ARID4B: variants seen among roughly 807,000 people sequenced by gnomAD.
ARID4B encodes the protein AT-rich interactive domain-containing protein 4B.
Under a neutral mutation model 147.5 loss-of-function variants are expected in ARID4B, and 26 were observed. That is an observed-to-expected ratio of 0.18 (90% CI 0.13 to 0.24). ARID4B has a LOEUF of 0.24. Ranked by LOEUF, ARID4B falls within the 10% of genes least tolerant of loss-of-function variation. ARID4B has a pLI of 1.00. For missense variants in ARID4B, 1,179 were observed against 1,511.5 expected, an observed-to-expected ratio of 0.78 and a Z score of 3.65; for synonymous variants, 512 against 507.9, an observed-to-expected ratio of 1.01 and a Z score of -0.11.
intron 6 of ARID4B, 49 bp downstream of exon 6, chr1:235,252,681 T>C: frequency 2.6e-6 from 4 of 1,545,970 alleles, no homozygotes; most frequent in Non-Finnish European, 3.5e-6. Context: ...AATTTATTCC[T>C]CCCAATAAAA....
At chr1:235,178,049 TTAC>T (rs992822241) in intron 20 of ARID4B, 136 bp from the exon 21 acceptor site, 7 of 468,716 alleles carry the variant, frequency 1.5e-5, no homozygotes, top group African/African-American at 6.0e-5. Context: ...GTCACAGAAC[TTAC>T]TACAATTTTT....
At chr1:235,194,259 C>A (rs1237079172) in intron 18 of ARID4B, 48 bp from the exon 19 acceptor site, 3 of 1,367,396 alleles carry the variant, frequency 2.2e-6, no homozygotes, top group African/African-American at 2.9e-5. Flanking sequence ...AGGCATTTAT[C>A]AGAAACAATG....
intron 14 of ARID4B, among the ~76,000 whole-genome samples, chr1:235,220,959 G>A (rs1558216346): frequency 6.6e-6 from 1 of 151,778 alleles, no homozygotes; most frequent in Admixed American, 6.6e-5. Context: ...GTGCAGTGGC[G>A]CAATCTCAGC....
At chr1:235,240,567 C>T in intron 7 of ARID4B, 116 bp from the exon 8 acceptor site, 5 of 924,602 alleles carry the variant, frequency 5.4e-6, no homozygotes, top group East Asian at 2.6e-5. Context: ...TGTAAAATGG[C>T]TAATTTAAAT....
intron 2 of ARID4B, among the ~76,000 whole-genome samples, chr1:235,290,514 T>G (rs1446783812): frequency 6.6e-6 from 1 of 151,914 alleles, no homozygotes; most frequent in Non-Finnish European, 1.5e-5. Flanking sequence ...TACAGATGTA[T>G]GAAATAATAT....
intron 2 of ARID4B, among the ~76,000 whole-genome samples, chr1:235,295,132 G>A (rs1288383107): frequency 6.6e-6 from 1 of 151,972 alleles, no homozygotes; most frequent in Non-Finnish European, 1.5e-5. Context: ...CTACATTATG[G>A]TATTGTTATC....
chr1:235,314,462 G>C (rs1385586964), intron 2 of ARID4B, among the ~76,000 whole-genome samples: 1 of 152,112 alleles, frequency 6.6e-6, no homozygotes, highest in Non-Finnish European at 1.5e-5. Flanking sequence ...CAGCAGCCAA[G>C]TAAAGGACAT....
chr1:235,200,127 T>C (rs1383691731), intron 17 of ARID4B, among the ~76,000 whole-genome samples: 2 of 151,988 alleles, frequency 1.3e-5, no homozygotes, highest in Non-Finnish European at 2.9e-5. Context: ...GAGACCAGCC[T>C]GGCCAACGTG....
rs201917386 is a variant in ARID4B at position 235,172,735 on chromosome 1, G to A, written c.3694C>T (p.Arg1232Cys). 6.3e-7 allele frequency: 1 copy of A among 1,577,192 alleles called. No homozygotes were observed. Among genetic ancestry groups the A allele is most frequent in the Non-Finnish European group, 8.6e-7 (1 of 1,167,674 alleles). Residue 1232 changes from arginine to cysteine, a missense_variant, in exon 23 of 24, where the codon CGC becomes TGC. By Grantham distance (180) the Arg-to-Cys change is radical (BLOSUM62 -3). Coordinates refer to ENST00000264183, the MANE Select transcript of ARID4B (RefSeq NM_016374.6). ...SDLENMTSAE[R>C]ITILQEKLQE... ...AGTTTTTCTTGAAGAATTGTGATGC[G>A]TTCGGCACTTGTCATATTTTCCAGG...
chr1:235,291,707 G>A (rs1462020693), intron 2 of ARID4B, among the ~76,000 whole-genome samples: 1 of 148,824 alleles, frequency 6.7e-6, no homozygotes, highest in Non-Finnish European at 1.5e-5. Context: ...AATAGCCCGG[G>A]TGACATAGCA....
At chr1:235,207,139 A>G (rs895468430) in intron 17 of ARID4B, among the ~76,000 whole-genome samples, 2 of 152,254 alleles carry the variant, frequency 1.3e-5, no homozygotes, top group African/African-American at 2.4e-5. Flanking sequence ...TGAAGTGTGT[A>G]GAAATGTTTT....
chr1:235,175,112 C>CAA, intron 22 of ARID4B, 72 bp downstream of exon 22: 1 of 1,422,470 alleles, frequency 7.0e-7, no homozygotes, highest in South Asian at 1.2e-5. Context: ...TCTCTAAAAA[C>CAA]AAAAACAAAA....
chr1:235,287,092 T>C (rs1056383526), intron 2 of ARID4B, among the ~76,000 whole-genome samples: 2 of 152,098 alleles, frequency 1.3e-5, no homozygotes, highest in East Asian at 3.9e-4. Flanking sequence ...AAACCCTGTC[T>C]CTACTAAAAA....
chr1:235,294,311 A>ACTTT (rs35977902), intron 2 of ARID4B, among the ~76,000 whole-genome samples: 2 of 114,106 alleles, frequency 1.8e-5, no homozygotes. Context: ...AACCAGCAGC[A>ACTTT]TTTTTTTTTT....
chr1:235,191,424 A>ATT (rs1020622610), intron 19 of ARID4B, among the ~76,000 whole-genome samples: 1 of 145,006 alleles, frequency 6.9e-6, no homozygotes, highest in South Asian at 2.2e-4. Context: ...AAGTTTTTGT[A>ATT]TTTTTTTTTT....
In ARID4B at chr1:235,185,572, T is replaced by A. The variant is rs533129407; in HGVS notation, c.2126-2779A>T. ...TCCACTGTTAACTGAATCTCACATCTTCTTCTTCCTTGGTTATCTCATCTG... is the reference window on the plus strand; with the variant it reads ...TCCACTGTTAACTGAATCTCACATCATCTTCTTCCTTGGTTATCTCATCTG... On this transcript the variant is annotated intron_variant, in intron 19 of 23. Transcript: ENST00000264183. 3.9e-5 allele frequency among the ~76,000 whole-genome samples: 6 copies of A among 152,310 alleles called. No homozygotes were observed. In the South Asian group the frequency reaches 1.0e-3, roughly 26 times the overall value.
chr1:235,202,706 C>T (rs144041597), intron 17 of ARID4B, among the ~76,000 whole-genome samples: 4,484 of 151,920 alleles, frequency 0.03, 220 homozygotes, highest in African/African-American at 0.1. Context: ...TGTGCCACCA[C>T]GTCCAGCTAA....
chr1:235,276,735 T>C (rs544803901), intron 2 of ARID4B, among the ~76,000 whole-genome samples: 1 of 152,268 alleles, frequency 6.6e-6, no homozygotes, highest in Admixed American at 6.5e-5. Flanking sequence ...CGGTGGCTCA[T>C]GCCTATAATC....
Position 235,255,801 on chromosome 1 carries a change from A to C in ARID4B, c.184-51T>G, listed in dbSNP as rs761228305. The C allele has an allele frequency of 2.3e-6, 3 of 1,317,020 alleles. No homozygotes were observed. In the South Asian group the frequency reaches 3.9e-5, roughly 17 times the overall value. The allele number at this position is 1,317,020 out of a possible 1,614,324, so 81.6% of individuals were successfully genotyped here. On this transcript the variant is annotated intron_variant, in intron 4 of 23. Transcript: ENST00000264183. ...AAAACTTTTAAAAGGTAAATTAACA[A>C]ACCAAAACCTGGGTTTGTTTTCTTT...
Sources: gnomAD v4.1 joint callset for allele counts (sites outside exome capture counted in the v4.1 genomes callset) on GRCh38, gnomAD v4.1.1 for gene constraint, MANE v1.5 for transcripts, NCBI Gene and HGNC (gene_info 2026-07-23, HGNC 2026-07-21) for gene names.